Variants in TACR3 observed in about 807,000 individuals in gnomAD.
The protein encoded by TACR3 is neuromedin-K receptor.
A neutral mutation model predicts 35.0 loss-of-function variants in TACR3; 34 were observed. The observed-to-expected ratio is 0.97, with a 90% CI of 0.74 to 1.30. The LOEUF is 1.30. TACR3 is among the 50% of genes most tolerant of loss of function. The pLI is 0.00. For missense variants in TACR3, 558 were observed against 591.7 expected (o/e 0.94, Z 0.59); for synonymous variants, 233 against 221.1 (o/e 1.05, Z -0.48).
chr4:103,594,473 G>A (rs868857001), intron 3 of TACR3, among the ~76,000 whole-genome samples: 5 of 152,146 alleles, frequency 3.3e-5, no homozygotes, highest in African/African-American at 7.2e-5. Context: ...CACTGCACCC[G>A]GCCTAATATA....
chr4:103,690,438 T>A (rs574487891), intron 1 of TACR3, among the ~76,000 whole-genome samples: 1 of 152,010 alleles, frequency 6.6e-6, no homozygotes, highest in Non-Finnish European at 1.5e-5. Flanking sequence ...TAGAAAGAGA[T>A]ACAGACACAA....
At chr4:103,683,247 A>G (rs887199987) in intron 1 of TACR3, among the ~76,000 whole-genome samples, 1 of 152,044 alleles carries the variant, frequency 6.6e-6, no homozygotes, top group Non-Finnish European at 1.5e-5. Context: ...ATGCTTACAT[A>G]AAATATTTAA....
chr4:103,637,027 C>T (rs142440557), intron 3 of TACR3, among the ~76,000 whole-genome samples: 16,052 of 152,164 alleles, frequency 0.11, 966 homozygotes, highest in South Asian at 0.19. Context: ...GAGCTGGTAC[C>T]ATTCCTTCTG....
chr4:103,662,559 A>G (rs1446770552), intron 1 of TACR3, among the ~76,000 whole-genome samples: 1 of 152,090 alleles, frequency 6.6e-6, no homozygotes, highest in African/African-American at 2.4e-5. Context: ...ACCCTCCAAA[A>G]AAGATATATT....
intron 3 of TACR3, among the ~76,000 whole-genome samples, chr4:103,600,993 G>T (rs1724185515): frequency 6.6e-6 from 1 of 152,108 alleles, no homozygotes; most frequent in Non-Finnish European, 1.5e-5. Context: ...GTGCAGAGCT[G>T]AGTTCAATTC....
chr4:103,640,637 A>C (rs780501868), intron 3 of TACR3, among the ~76,000 whole-genome samples: 12 of 152,054 alleles, frequency 7.9e-5, no homozygotes, highest in Non-Finnish European at 1.6e-4. Context: ...ACTCTATTGC[A>C]AGCTTGTCCA....
intron 1 of TACR3, among the ~76,000 whole-genome samples, chr4:103,660,670 A>AT (rs1024230843): frequency 2.0e-5 from 3 of 152,040 alleles, no homozygotes; most frequent in African/African-American, 4.8e-5. Context: ...AAATATGTGC[A>AT]TTTTTTGTAT....
intron 1 of TACR3, 85 bp downstream of exon 1, chr4:103,719,043 T>C: frequency 6.4e-7 from 1 of 1,566,414 alleles, no homozygotes; most frequent in South Asian, 1.1e-5. Context: ...CCCGTTACGT[T>C]ACTATTTCCT....
rs532057835 is a variant in TACR3, at chr4:103,631,246, C to T, written c.888+24948G>A. On this transcript the variant is annotated intron_variant, in intron 3 of 4. Transcript: ENST00000304883. Reference sequence around the variant, plus strand: ...AATGTAAATGACGAGTTGATGAGTGCAGCAAACCAACATGATACATGTATA... The same window carrying T: ...AATGTAAATGACGAGTTGATGAGTGTAGCAAACCAACATGATACATGTATA... Among the ~76,000 whole-genome samples the T allele has an allele frequency of 3.3e-5, 5 of 152,090 alleles. No individual in the cohort carries two copies. The East Asian group carries it at 5.8e-4, about 18-fold the overall frequency.
intron 1 of TACR3, among the ~76,000 whole-genome samples, chr4:103,701,619 T>C (rs944905600): frequency 1.3e-5 from 2 of 152,162 alleles, no homozygotes; most frequent in African/African-American, 4.8e-5. Flanking sequence ...AGAACAAAGC[T>C]GGAGGCATCA....
At chr4:103,619,031 T>C (rs2110302536) in intron 3 of TACR3, among the ~76,000 whole-genome samples, 1 of 152,340 alleles carries the variant, frequency 6.6e-6, no homozygotes, top group Admixed American at 6.5e-5. Context: ...AATAATGCCA[T>C]CTGCAAAGAG....
At chr4:103,653,413 T>C (rs1380841183) in intron 3 of TACR3, among the ~76,000 whole-genome samples, 2 of 152,050 alleles carry the variant, frequency 1.3e-5, no homozygotes, top group Non-Finnish European at 2.9e-5. Context: ...TAGAAAAACA[T>C]TACATGCATA....
chr4:103,591,564 C>A lies in TACR3; in HGVS notation c.1008G>T (p.Gln336His). ...CCAGCCAAAAGCTAGCCAGGTAGACCTGCTGGATGTATTTCCATCTATTTA... is the reference window on the plus strand; with the variant it reads ...CCAGCCAAAAGCTAGCCAGGTAGACATGCTGGATGTATTTCCATCTATTTA... The part of the protein sequence containing the change: ...QQLNRWKYIQ[Q>H]VYLASFWLAM... Residue 336 changes from glutamine (Q) to histidine (H), a missense_variant, in exon 4 of 5, where the codon CAG becomes CAT. Gln to His is a conservative substitution (Grantham distance 24). Transcript: ENST00000304883. 10 of 1,613,892 alleles carry A rather than the reference C, an allele frequency of 6.2e-6. No homozygotes were observed. Among genetic ancestry groups the A allele is most frequent in the Non-Finnish European group, 8.5e-6 (10 of 1,179,868 alleles).
At chr4:103,673,666 A>G (rs1232229398) in intron 1 of TACR3, among the ~76,000 whole-genome samples, 1 of 152,192 alleles carries the variant, frequency 6.6e-6, no homozygotes, top group Non-Finnish European at 1.5e-5. Context: ...ATGAAGTGAC[A>G]CATGCTACCA....
At chr4:103,684,988 TAAATAAATA>T (rs1277646823) in intron 1 of TACR3, among the ~76,000 whole-genome samples, 2 of 40,848 alleles carry the variant, frequency 4.9e-5, no homozygotes, top group African/African-American at 4.0e-4. Flanking sequence ...ATCTCAAAAT[TAAATAAATA>T]AATAAATAAA....
Position 103,586,647 on chromosome 4 carries a change from T to A in TACR3, c.*3035A>T, listed in dbSNP as rs1723776621. The A allele has an allele frequency of 6.6e-6, 1 of 152,208 alleles. No homozygotes were observed. The highest frequency in any genetic ancestry group is 2.4e-5 in the African/African-American group (1 of 41,548). The allele number at this position is 152,208 out of a possible 1,614,324, so 9.4% of individuals were successfully genotyped here. ...CTGAAATTGCTCAGTTCACTGTTTC[T>A]AAGACATTGGCAGGATTTGGAAAAG... is the stretch of plus-strand genomic sequence containing the variant. On this transcript the variant is annotated 3_prime_UTR_variant, in exon 5 of 5. Transcript: ENST00000304883.
At chr4:103,662,138 G>A (rs970890574) in intron 1 of TACR3, among the ~76,000 whole-genome samples, 1 of 152,018 alleles carries the variant, frequency 6.6e-6, no homozygotes, top group African/African-American at 2.4e-5. Context: ...AGGATAACCA[G>A]GCAAGGTGGC....
chr4:103,686,231 G>A (rs1002318914), intron 1 of TACR3, among the ~76,000 whole-genome samples: 1 of 152,150 alleles, frequency 6.6e-6, no homozygotes, highest in Admixed American at 6.6e-5. Flanking sequence ...CTAGACCCTG[G>A]ATGAATGTGA....
rs1449393946 is a variant in TACR3, at chr4:103,688,783, A to C, written c.548+30345T>G. On this transcript the variant is annotated intron_variant, in intron 1 of 4. Transcript: ENST00000304883. ...GGAGAGGATGTGGAGAAATAGGAAC[A>C]CTTTTACACTGTTGGTGGAACTGTA... 7.2e-5 allele frequency among the ~76,000 whole-genome samples: 11 copies of C among 152,212 alleles called. No homozygotes were observed. In the East Asian group the frequency reaches 2.1e-3, roughly 30 times the overall value.
Sources: gnomAD v4.1 joint callset for allele counts (sites outside exome capture counted in the v4.1 genomes callset) on GRCh38, gnomAD v4.1.1 for gene constraint, MANE v1.5 for transcripts, NCBI Gene and HGNC (gene_info 2026-07-23, HGNC 2026-07-21) for gene names.